The following RGS12 variants were observed in gnomAD, a reference collection of about 807,000 sequenced individuals.
RGS12 encodes regulator of G-protein signaling 12.
Under a neutral mutation model 120.1 loss-of-function variants are expected in RGS12, and 66 were observed. The observed-to-expected ratio is 0.55, with a 90% CI of 0.45 to 0.67. RGS12 has a LOEUF of 0.67. Ranked by LOEUF, RGS12 falls within the 30% of genes least tolerant of loss-of-function variation. The pLI, the probability that RGS12 is intolerant of heterozygous loss-of-function variation, is 0.00. For missense variants in RGS12, 1,859 were observed against 1,957.7 expected, an observed-to-expected ratio of 0.95 and a Z score of 0.95; for synonymous variants, 827 against 804.7, an observed-to-expected ratio of 1.03 and a Z score of -0.47.
At chr4:3,437,723 C>A (rs114615451) in intron 17 of RGS12, among the ~76,000 whole-genome samples, 1 of 152,152 alleles carries the variant, frequency 6.6e-6, no homozygotes, top group East Asian at 2.0e-4. Flanking sequence ...GCATCTCCAC[C>A]GGGCCTGGCT....
intron 1 of RGS12, among the ~76,000 whole-genome samples, chr4:3,305,480 C>T (rs1281027128): frequency 6.6e-6 from 1 of 152,242 alleles, no homozygotes; most frequent in Non-Finnish European, 1.5e-5. Context: ...TCTAGGTGGG[C>T]TGAGATGCAG....
chr4:3,395,418 G>C (rs1446367151), intron 4 of RGS12, among the ~76,000 whole-genome samples: 1 of 152,164 alleles, frequency 6.6e-6, no homozygotes, highest in Non-Finnish European at 1.5e-5. Context: ...GTTACAGATG[G>C]TGCCATATAA....
At chr4:3,287,708 G>A in the RGS12 span, among the ~76,000 whole-genome samples, 1 of 152,252 alleles carries the variant, frequency 6.6e-6, no homozygotes, top group African/African-American at 2.4e-5. Context: ...GTGTATTCTG[G>A]TTAAAAACAT....
intron 17 of RGS12, among the ~76,000 whole-genome samples, chr4:3,432,480 C>T (rs1286821408): frequency 2.0e-5 from 3 of 152,236 alleles, no homozygotes; most frequent in African/African-American, 7.2e-5. Context: ...CCCTGCAGCC[C>T]TGGGGCTGTG....
chr4:3,308,913 C>T (rs533403891), intron 1 of RGS12, among the ~76,000 whole-genome samples: 1 of 152,350 alleles, frequency 6.6e-6, no homozygotes, highest in East Asian at 1.9e-4. Context: ...GGACTGTTTT[C>T]CTTATGTTGC....
Position 3,318,000 on chromosome 4 carries a change from A to C in RGS12, c.1830A>C (p.Gln610His). 1 of 1,612,176 alleles carries C rather than the reference A, an allele frequency of 6.2e-7. No individual in the cohort carries two copies. Among genetic ancestry groups the C allele is most frequent in the Non-Finnish European group, 8.5e-7 (1 of 1,179,188 alleles). Residue 610 changes from glutamine (Q) to histidine (H), a missense_variant, in exon 2 of 18, where the codon CAA (glutamine) becomes CAC (histidine). Around this residue, in one of 3 missense-constraint regions of RGS12, gnomAD observed 967 missense variants for 994.2 expected, o/e 0.97. Transcript: ENST00000336727. Reference sequence around the variant, plus strand: ...GGTCCAGGAAGGCCTTTGGAATGCAAAGCATTTTTGGTCCCCATCGAAATG... The same window carrying C: ...GGTCCAGGAAGGCCTTTGGAATGCACAGCATTTTTGGTCCCCATCGAAATG... The part of the protein sequence containing the change: ...REWSRKAFGM[Q>H]SIFGPHRNVR...
chr4:3,316,962 A>C lies in RGS12; in HGVS notation c.792A>C (p.Ala264=), dbSNP rs771520592. ...GCGGCTGCATGCGGCGCCTGCGGGC[A>C]GAGCAGAAAATCCACTCGCTGGTGA... ...AIRGCMRRLR[A]EQKIHSLVTM... is the part of the protein sequence containing the mutation. The change falls in exon 2 of 18, where the codon GCA becomes GCC. Residue 264 remains alanine (A), a synonymous_variant. Coordinates refer to ENST00000336727, the MANE Select transcript of RGS12 (RefSeq NM_001394154.1). 3.7e-6 allele frequency: 6 copies of C among 1,613,920 alleles called. No homozygotes were observed. In the Admixed American group the frequency reaches 1.0e-4, roughly 27 times the overall value.
At position 3,430,428 on chromosome 4, in the gene RGS12, A is replaced by G. The variant is rs752118462; in HGVS notation, c.3587A>G (p.Lys1196Arg). The G allele has an allele frequency of 9.3e-6, 15 of 1,610,588 alleles. No individual in the cohort carries two copies. Among genetic ancestry groups the G allele is most frequent in the Non-Finnish European group, 1.2e-5 (14 of 1,178,172 alleles). Residue 1196 changes from lysine (K) to arginine (R), a missense_variant, in exon 17 of 18, where the codon AAA (lysine) becomes AGA (arginine). By Grantham distance (26) the Lys-to-Arg change is conservative. Around this residue, in one of 3 missense-constraint regions of RGS12, gnomAD observed 517 missense variants for 488.5 expected, o/e 1.06. Coordinates refer to ENST00000336727, the MANE Select transcript of RGS12 (RefSeq NM_001394154.1). ...ATAGAGTTTTTTGAGCTTATTTCCA[A>G]AGCTCAGAGCAACAGAGCAGATGAC... ...EAEEFFELISKAQSNRADDQR... is the reference protein window; with the variant it reads ...EAEEFFELISRAQSNRADDQR...
At position 3,414,258 on chromosome 4, in the gene RGS12, C is replaced by T; in HGVS notation, c.2190+17C>T. The T allele has an allele frequency of 6.6e-7, 1 of 1,526,004 alleles. No individual in the cohort carries two copies. The highest frequency in any genetic ancestry group is 8.8e-7 in the Non-Finnish European group (1 of 1,137,416). 94.5% of individuals were successfully genotyped at this position (1,526,004 alleles called of 1,614,324 possible). On this transcript the variant is annotated intron_variant, in intron 5 of 17. Coordinates refer to ENST00000336727, the MANE Select transcript of RGS12 (RefSeq NM_001394154.1). ...TACTTCTCTGTGAGTAGGGAAGGGC[C>T]CAGGAGCAGCGGAGCGGTCTGTGCT... is the stretch of plus-strand genomic sequence containing the variant.
At chr4:3,363,006 C>T (rs975717060) in intron 3 of RGS12, among the ~76,000 whole-genome samples, 7 of 143,934 alleles carry the variant, frequency 4.9e-5, no homozygotes, top group African/African-American at 1.8e-4. Flanking sequence ...AGAGTGTGCA[C>T]GTCTGTGAGT....
intron 2 of RGS12, among the ~76,000 whole-genome samples, chr4:3,330,237 A>G (rs1024281477): frequency 1.3e-5 from 2 of 152,190 alleles, no homozygotes; most frequent in Non-Finnish European, 2.9e-5. Flanking sequence ...TAGGATTCCA[A>G]GTTTATTTAC....
intron 10 of RGS12, among the ~76,000 whole-genome samples, chr4:3,422,172 C>T (rs557379746): frequency 3.7e-4 from 56 of 152,372 alleles, no homozygotes; most frequent in African/African-American, 1.2e-3. Flanking sequence ...TGACCGCTCT[C>T]TCGTGTTAAT....
rs1719325471 is a variant in RGS12, at chr4:3,390,106, C to A, written c.2020+3669C>A. On this transcript the variant is annotated intron_variant, in intron 4 of 17. Coordinates refer to ENST00000336727, the MANE Select transcript of RGS12 (RefSeq NM_001394154.1). The surrounding 1 kb of genome is among the most constrained non-coding windows in gnomAD (Gnocchi z 4.6). The stretch of plus-strand genomic sequence containing the variant: ...GATCTGCCCAGCCCCTGCACTGGAC[C>A]CCTCCACCAGCTCAGAGCCCCTGTT... 1.3e-5 allele frequency among the ~76,000 whole-genome samples: 2 copies of A among 152,168 alleles called. No homozygotes were observed. Among genetic ancestry groups the A allele is most frequent in the Admixed American group, 6.5e-5 (1 of 15,282 alleles).
chr4:3,311,184 G>A (rs1159977581), intron 1 of RGS12, among the ~76,000 whole-genome samples: 1 of 152,160 alleles, frequency 6.6e-6, no homozygotes, highest in Non-Finnish European at 1.5e-5. Flanking sequence ...TTCGGAGGAC[G>A]GCGTCTCTCT....
intron 3 of RGS12, among the ~76,000 whole-genome samples, chr4:3,357,191 T>G (rs1457855337): frequency 6.6e-6 from 1 of 152,218 alleles, no homozygotes; most frequent in Non-Finnish European, 1.5e-5. Context: ...TGGAGAAATG[T>G]CTACTCAAGT....
At chr4:3,386,288 C>T in intron 3 of RGS12, 128 bp from the exon 4 acceptor site, 1 of 880,330 alleles carries the variant, frequency 1.1e-6, no homozygotes, top group East Asian at 2.4e-5. Context: ...CCCGGGACAC[C>T]TCCACCTGGA....
rs529588192 is a variant in RGS12, at chr4:3,372,636, G to A, written c.1999-13780G>A. 3.3e-5 allele frequency among the ~76,000 whole-genome samples: 5 copies of A among 152,358 alleles called. No homozygotes were observed. The highest frequency in any genetic ancestry group is 2.6e-4 in the Admixed American group (4 of 15,312). On this transcript the variant is annotated intron_variant, in intron 3 of 17. Transcript: ENST00000336727. This position sits in a 1 kb window ranked among gnomAD's most constrained non-coding sequence, Gnocchi z 4.3. ...GCGGCGGCCATCAGGGTGTGGTTTT[G>A]TGACGTCTCAGGGTGTCCTTTCTTT... is the stretch of plus-strand genomic sequence containing the variant.
intron 3 of RGS12, among the ~76,000 whole-genome samples, chr4:3,362,046 C>T (rs1041901039): frequency 7.2e-5 from 11 of 152,202 alleles, no homozygotes; most frequent in East Asian, 3.9e-4. Context: ...CAGCAGGCTG[C>T]GGCCCCGAGG....
At chr4:3,344,109 T>C (rs1713555119) in intron 3 of RGS12, among the ~76,000 whole-genome samples, 2 of 152,158 alleles carry the variant, frequency 1.3e-5, no homozygotes, top group Non-Finnish European at 2.9e-5. Context: ...ATGAGCGGTG[T>C]GGCCAGACTC....
Sources: gnomAD v4.1 joint callset for allele counts (sites outside exome capture counted in the v4.1 genomes callset) on GRCh38, gnomAD v4.1.1 for gene constraint, gnomAD v4.1.1 regional missense constraint, Gnocchi (gnomAD v3.1) non-coding constraint, MANE v1.5 for transcripts, NCBI Gene and HGNC (gene_info 2026-07-23, HGNC 2026-07-21) for gene names.